Variants in PIP5K1B observed in about 807,000 individuals in gnomAD.
PIP5K1B encodes phosphatidylinositol-4-phosphate 5-kinase type 1 beta.
In PIP5K1B, 42 loss-of-function variants were observed where a neutral mutation model predicts 67.0. The observed-to-expected ratio is 0.63, with a 90% confidence interval of 0.49 to 0.81. The LOEUF is 0.81. Ranked by LOEUF, PIP5K1B falls within the 30% of genes least tolerant of loss-of-function variation. PIP5K1B has a pLI of 0.00. For missense variants in PIP5K1B, 459 were observed against 646.3 expected, an observed-to-expected ratio of 0.71 and a Z score of 3.14; for synonymous variants, 214 against 231.4, an observed-to-expected ratio of 0.92 and a Z score of 0.68.
chr9:68,765,649 G>C (rs138625389), intron 2 of PIP5K1B, among the ~76,000 whole-genome samples: 1 of 152,244 alleles, frequency 6.6e-6, no homozygotes, highest in East Asian at 1.9e-4. Context: ...ATAGATTAGA[G>C]AAAGTGATTT....
At chr9:68,747,134 T>G (rs773578870) in intron 2 of PIP5K1B, among the ~76,000 whole-genome samples, 2 of 151,502 alleles carry the variant, frequency 1.3e-5, no homozygotes, top group Non-Finnish European at 2.9e-5. Context: ...TCAGAGAATT[T>G]CACATTCCTC....
chr9:68,964,898 G>A (rs1828940474), intron 14 of PIP5K1B, among the ~76,000 whole-genome samples: 1 of 152,228 alleles, frequency 6.6e-6, no homozygotes, highest in African/African-American at 2.4e-5. Flanking sequence ...GGAAAAATAA[G>A]CCTGTTATAT....
At chr9:68,707,040 G>T (rs1451602770) in intron 1 of PIP5K1B, among the ~76,000 whole-genome samples, 1 of 152,136 alleles carries the variant, frequency 6.6e-6, no homozygotes, top group Non-Finnish European at 1.5e-5. Context: ...AGGAGACGCT[G>T]GGAAAAAACC....
chr9:68,917,666 C>A lies in PIP5K1B; in HGVS notation c.890C>A (p.Thr297Asn). 1.2e-6 allele frequency: 2 copies of A among 1,614,064 alleles called. No homozygotes were observed. Among genetic ancestry groups the A allele is most frequent in the Non-Finnish European group, 8.5e-7 (1 of 1,179,924 alleles). ...TPQNVPDAKR[T>N]GMQKVLYSTA... The stretch of plus-strand genomic sequence containing the variant: ...CAAAATGTGCCTGATGCTAAGCGGA[C>A]TGGGATGCAGAAGGTTCTCTACTCA... The change falls in exon 9 of 16, where the codon ACT becomes AAT. Residue 297 changes from threonine to asparagine, a missense_variant. Physicochemically the swap from Thr to Asn is moderately conservative, Grantham distance 65. Around this residue, in one of 2 missense-constraint regions of PIP5K1B, gnomAD observed 290 missense variants for 474.4 expected, o/e 0.61. Transcript: ENST00000265382.
chr9:68,932,922 G>T (rs1451291324), intron 12 of PIP5K1B, among the ~76,000 whole-genome samples: 2 of 152,060 alleles, frequency 1.3e-5, no homozygotes, highest in Admixed American at 1.3e-4. Flanking sequence ...CCAACATGGA[G>T]AAACCCCGTC....
chr9:68,945,018 G>T (rs1004292205), intron 14 of PIP5K1B, among the ~76,000 whole-genome samples: 6 of 151,518 alleles, frequency 4.0e-5, no homozygotes, highest in Non-Finnish European at 7.4e-5. Context: ...TACAAGGTTG[G>T]TTGGTTGGTT....
rs1831207266 is a variant in PIP5K1B at position 69,008,925 on chromosome 9, A to C, written c.*476A>C. The C allele has an allele frequency of 6.2e-6, 1 of 160,388 alleles. No individual in the cohort carries two copies. The allele number at this position is 160,388 out of a possible 1,614,324, so 9.9% of individuals were successfully genotyped here. On this transcript the variant is annotated 3_prime_UTR_variant, in exon 16 of 16. Coordinates refer to ENST00000265382, the MANE Select transcript of PIP5K1B (RefSeq NM_003558.4). Reference sequence around the variant, plus strand: ...GTCATTGAAAGTTTAAATTGGTTTCATTTAAAGATCAATATACTAGGTCTG... The same window carrying C: ...GTCATTGAAAGTTTAAATTGGTTTCCTTTAAAGATCAATATACTAGGTCTG...
chr9:68,874,819 A>G (rs1823795274), intron 5 of PIP5K1B, among the ~76,000 whole-genome samples: 3 of 152,336 alleles, frequency 2.0e-5, no homozygotes, highest in South Asian at 4.1e-4. Context: ...CACTGAAAGC[A>G]GCCTGCTTCA....
chr9:68,722,100 T>C (rs7857057), intron 1 of PIP5K1B, among the ~76,000 whole-genome samples: 84,643 of 151,972 alleles, frequency 0.56, 23,871 homozygotes, highest in East Asian at 0.69. Context: ...TTCTGTTTCA[T>C]TTGTTCTCTG....
chr9:68,785,886 A>G (rs1376917315), intron 2 of PIP5K1B, among the ~76,000 whole-genome samples: 1 of 152,244 alleles, frequency 6.6e-6, no homozygotes, highest in East Asian at 1.9e-4. Context: ...AAAGCAGGCT[A>G]TCCTTTTATG....
At position 68,969,325 on chromosome 9, in the gene PIP5K1B, G is replaced by A. The variant is rs1027530655; in HGVS notation, c.1503-21815G>A. Reference sequence around the variant, plus strand: ...GGGGCTTGCAGTGAGCCGAGATCACGCCACTGCACTCCAGCCTGGGCAACA... The same window carrying A: ...GGGGCTTGCAGTGAGCCGAGATCACACCACTGCACTCCAGCCTGGGCAACA... On this transcript the variant is annotated intron_variant, in intron 14 of 15. Coordinates refer to ENST00000265382, the MANE Select transcript of PIP5K1B (RefSeq NM_003558.4). Among the ~76,000 whole-genome samples the A allele has an allele frequency of 1.2e-4, 16 of 138,552 alleles. No individual in the cohort carries two copies. The East Asian group carries it at 2.3e-3, about 20-fold the overall frequency. The allele number at this position is 138,552 out of a possible 152,430, so 90.9% of individuals were successfully genotyped here. A position where few individuals can be genotyped will look rare whatever the true frequency, so the allele number is the denominator to read the frequency against.
At chr9:68,919,954 A>G (rs1374736088) in intron 11 of PIP5K1B, among the ~76,000 whole-genome samples, 1 of 152,240 alleles carries the variant, frequency 6.6e-6, no homozygotes, top group Non-Finnish European at 1.5e-5. Context: ...GGCCAGAAAA[A>G]CAAAATGATA....
At chr9:68,947,681 G>T (rs573742509) in intron 14 of PIP5K1B, among the ~76,000 whole-genome samples, 1 of 152,172 alleles carries the variant, frequency 6.6e-6, no homozygotes, top group Non-Finnish European at 1.5e-5. Context: ...AAGTAATCAT[G>T]GAACCAATTT....
intron 14 of PIP5K1B, among the ~76,000 whole-genome samples, chr9:68,980,984 G>A (rs73647053): frequency 0.021 from 3,219 of 152,284 alleles, 107 homozygotes; most frequent in East Asian, 0.13. Flanking sequence ...TGGCCAGGCA[G>A]TATACAATAT....
At chr9:68,706,901 G>T (rs1827151220) in intron 1 of PIP5K1B, among the ~76,000 whole-genome samples, 1 of 152,022 alleles carries the variant, frequency 6.6e-6, no homozygotes, top group Admixed American at 6.5e-5. Flanking sequence ...TGTTGGAGTG[G>T]AGAAAGGCGA....
intron 2 of PIP5K1B, among the ~76,000 whole-genome samples, chr9:68,777,973 C>A (rs1831004376): frequency 6.6e-6 from 1 of 152,192 alleles, no homozygotes; most frequent in Non-Finnish European, 1.5e-5. Flanking sequence ...TCCTGTTCAT[C>A]CTCTGCACAG....
rs1426429871 is a variant in PIP5K1B at position 69,009,132 on chromosome 9, T to C, written c.*683T>C. On this transcript the variant is annotated 3_prime_UTR_variant, in exon 16 of 16. Coordinates refer to ENST00000265382, the MANE Select transcript of PIP5K1B (RefSeq NM_003558.4). ...ATATAATTTATTTAGTAAATACTAC[T>C]GTAAACTATAGTTTTGTGAGAGAAA... 6.5e-6 allele frequency: 1 copy of C among 152,682 alleles called. No homozygotes were observed. The highest frequency in any genetic ancestry group is 1.5e-5 in the Non-Finnish European group (1 of 68,060). 9.5% of individuals were successfully genotyped at this position (152,682 alleles called of 1,614,324 possible). A position where few individuals can be genotyped will look rare whatever the true frequency, so the allele number is the denominator to read the frequency against.
intron 14 of PIP5K1B, among the ~76,000 whole-genome samples, chr9:68,947,767 G>A (rs1299931498): frequency 1.3e-5 from 2 of 152,214 alleles, no homozygotes; most frequent in African/African-American, 2.4e-5. Flanking sequence ...AGAGACTCCA[G>A]TATTTACCAA....
At position 68,992,257 on chromosome 9, in the gene PIP5K1B, C is replaced by T. The variant is rs142569413; in HGVS notation, c.1620+1000C>T. Among the ~76,000 whole-genome samples, 309 of 152,168 alleles carry T rather than the reference C, an allele frequency of 2.0e-3. 1 individual carries two copies. The highest frequency in any genetic ancestry group is 7.0e-3 in the African/African-American group (292 of 41,514). ...GATTACAGGCATGAGCCACTGCACC[C>T]GGCCTACCTGCACAAAATTACATAA... On this transcript the variant is annotated intron_variant, in intron 15 of 15. Transcript: ENST00000265382.
Sources: allele counts gnomAD v4.1 joint callset (sites outside exome capture counted in the v4.1 genomes callset), GRCh38; gene constraint gnomAD v4.1.1; regional missense constraint gnomAD v4.1.1; transcripts MANE v1.5; gene names NCBI Gene and HGNC (gene_info 2026-07-23, HGNC 2026-07-21).